TRAPPC9: variants seen among roughly 807,000 people sequenced by gnomAD.
TRAPPC9 encodes trafficking protein particle complex subunit 9.
In TRAPPC9, 83 loss-of-function variants were observed where a neutral mutation model predicts 124.0. That is an observed-to-expected ratio of 0.67 (90% CI 0.56 to 0.80). The LOEUF (loss-of-function observed/expected upper bound fraction) is 0.80, where lower values mean the gene tolerates loss of function less well. Among genes scored for constraint, TRAPPC9 ranks in the 30% least tolerant of loss-of-function variants. TRAPPC9 has a pLI of 0.00. For synonymous variants in TRAPPC9, 638 were observed against 617.5 expected, an observed-to-expected ratio of 1.03 and a Z score of -0.49; for missense variants, 1,302 against 1,508.3, an observed-to-expected ratio of 0.86 and a Z score of 2.27.
At chr8:140,221,052 C>G (rs962215189) in intron 17 of TRAPPC9, among the ~76,000 whole-genome samples, 4 of 152,232 alleles carry the variant, frequency 2.6e-5, no homozygotes, top group African/African-American at 9.6e-5. Flanking sequence ...ACCGGCATAT[C>G]TGTCTTGGCT....
intron 17 of TRAPPC9, among the ~76,000 whole-genome samples, chr8:140,108,543 C>T (rs2060708577): frequency 6.6e-6 from 1 of 151,892 alleles, no homozygotes; most frequent in South Asian, 2.1e-4. Flanking sequence ...CGCACCTGGC[C>T]CCGACATCTA....
At chr8:140,101,549 T>G (rs981536234) in intron 17 of TRAPPC9, among the ~76,000 whole-genome samples, 15 of 140,076 alleles carry the variant, frequency 1.1e-4, no homozygotes, top group Non-Finnish European at 1.4e-4. Context: ...TTGTTTTTTT[T>G]TTTTTTTTTT....
chr8:140,327,038 G>A (rs1045821491), intron 9 of TRAPPC9, among the ~76,000 whole-genome samples: 1 of 152,120 alleles, frequency 6.6e-6, no homozygotes, highest in Non-Finnish European at 1.5e-5. Context: ...GATCACCTGA[G>A]GTCAGGAGTT....
intron 19 of TRAPPC9, among the ~76,000 whole-genome samples, chr8:139,953,659 G>C (rs1339402384): frequency 6.6e-6 from 1 of 152,120 alleles, no homozygotes; most frequent in East Asian, 1.9e-4. Context: ...TCATAAATCT[G>C]ATTAACAGCC....
At chr8:140,203,128 A>G (rs1200488047) in intron 17 of TRAPPC9, among the ~76,000 whole-genome samples, 1 of 152,248 alleles carries the variant, frequency 6.6e-6, no homozygotes, top group African/African-American at 2.4e-5. Context: ...GAGAAATTTT[A>G]AAATCATCTG....
intron 21 of TRAPPC9, among the ~76,000 whole-genome samples, chr8:139,785,537 AACACACACACACACACAC>A (rs57202244): frequency 1.2e-4 from 17 of 138,202 alleles, no homozygotes; most frequent in African/African-American, 4.2e-4. Flanking sequence ...ATCTCTACTA[AACACACACACACACACAC>A]ACACACACAC....
At chr8:140,249,017 C>CTT (rs33992585) in intron 16 of TRAPPC9, among the ~76,000 whole-genome samples, 1 of 151,824 alleles carries the variant, frequency 6.6e-6, no homozygotes, top group African/African-American at 2.4e-5. Flanking sequence ...CTAAAGCCAA[C>CTT]TTTTTTTTGT....
chr8:139,909,236 T>C (rs1053413405), intron 20 of TRAPPC9, among the ~76,000 whole-genome samples: 1 of 152,210 alleles, frequency 6.6e-6, no homozygotes, highest in South Asian at 2.1e-4. Context: ...GAGCTGCCCC[T>C]TCCCCGGAGA....
At chr8:139,958,928 C>CAGCGGAGCCCTGCATTCCGAGTCACAT (rs1835179625) in intron 19 of TRAPPC9, among the ~76,000 whole-genome samples, 2 of 116,988 alleles carry the variant, frequency 1.7e-5, no homozygotes, top group East Asian at 5.5e-4. Flanking sequence ...CCGAGTCACA[C>CAGCGGAGCCCTGCATTCCGAGTCACAT]GGGGGAGCAC....
chr8:139,853,306 G>C (rs1344842335), intron 21 of TRAPPC9, among the ~76,000 whole-genome samples: 1 of 152,232 alleles, frequency 6.6e-6, no homozygotes, highest in African/African-American at 2.4e-5. Context: ...ATGAGAAAAG[G>C]AGGAGGGGAG....
chr8:140,162,806 G>A (rs2130899271), intron 17 of TRAPPC9, among the ~76,000 whole-genome samples: 1 of 152,224 alleles, frequency 6.6e-6, no homozygotes, highest in South Asian at 2.1e-4. Flanking sequence ...TGGGCAATAG[G>A]CTAAGACCTC....
intron 19 of TRAPPC9, among the ~76,000 whole-genome samples, chr8:139,921,855 C>T (rs940675977): frequency 6.6e-6 from 1 of 151,268 alleles, no homozygotes; most frequent in African/African-American, 2.4e-5. Flanking sequence ...CTGCCCCCTC[C>T]TCCCCGCCGC....
chr8:140,245,182 AATT>A (rs1189959202), intron 16 of TRAPPC9, among the ~76,000 whole-genome samples: 7 of 152,318 alleles, frequency 4.6e-5, no homozygotes, highest in African/African-American at 1.7e-4. Context: ...TCACTTAATG[AATT>A]ATTATGAAGC....
At chr8:140,335,309 T>G (rs899411455) in intron 9 of TRAPPC9, among the ~76,000 whole-genome samples, 7 of 152,036 alleles carry the variant, frequency 4.6e-5, no homozygotes, top group South Asian at 2.1e-4. Context: ...GTGTTGAGAG[T>G]CTGAACCACA....
intron 21 of TRAPPC9, among the ~76,000 whole-genome samples, chr8:139,756,359 T>G (rs1443225845): frequency 0.038 from 1,206 of 31,386 alleles, no homozygotes; most frequent in Non-Finnish European, 0.042. Flanking sequence ...AGGGTGGGGG[T>G]AGAGGGACAG....
intron 6 of TRAPPC9, among the ~76,000 whole-genome samples, chr8:140,401,308 T>C (rs2069258674): frequency 6.6e-6 from 1 of 152,232 alleles, no homozygotes; most frequent in South Asian, 2.1e-4. Flanking sequence ...TCCTCCCCTT[T>C]TCCACACATA....
intron 19 of TRAPPC9, among the ~76,000 whole-genome samples, chr8:139,921,906 A>G (rs1343728597): frequency 6.9e-6 from 1 of 144,424 alleles, no homozygotes; most frequent in Non-Finnish European, 1.5e-5. Flanking sequence ...CACATCTGGG[A>G]GCGTACACAG....
chr8:139,986,997 C>T (rs6980560), intron 19 of TRAPPC9, among the ~76,000 whole-genome samples: 2 of 152,174 alleles, frequency 1.3e-5, no homozygotes, highest in Admixed American at 1.3e-4. Flanking sequence ...TACAGCATTT[C>T]GTATCAATGG....
intron 19 of TRAPPC9, among the ~76,000 whole-genome samples, chr8:139,951,017 T>C (rs1475834855): frequency 6.6e-6 from 1 of 152,154 alleles, no homozygotes; most frequent in Non-Finnish European, 1.5e-5. Flanking sequence ...TGCTCACGGC[T>C]TGGAGTCAGC....
Sources: allele counts gnomAD v4.1 joint callset (sites outside exome capture counted in the v4.1 genomes callset), GRCh38; gene constraint gnomAD v4.1.1; transcripts MANE v1.5; gene names NCBI Gene and HGNC (gene_info 2026-07-23, HGNC 2026-07-21).